Variants in C17orf78 observed in about 807,000 individuals in gnomAD.
C17orf78 encodes the protein chromosome 17 open reading frame 78.
C17orf78 carries 27 observed loss-of-function variants against 31.8 expected under a neutral mutation model. The ratio of observed to expected loss-of-function variants is 0.85; its 90% CI spans 0.63 to 1.17. The LOEUF is 1.17. Among genes scored for constraint, C17orf78 ranks in the 50% most tolerant of loss-of-function variants. The pLI, the probability that C17orf78 is intolerant of heterozygous loss-of-function variation, is 0.00. For synonymous variants in C17orf78, 106 were observed against 115.1 expected (o/e 0.92, Z 0.51); for missense variants, 258 against 315.2 (o/e 0.82, Z 1.37).
rs749430438 is a variant in C17orf78 at position 37,379,274 on chromosome 17, A to G, written c.283A>G (p.Lys95Glu). ...ERRPKVKHIL[K>E]NLRIIAAPRR... ...AAGGCCAAAGGTCAAGCATATTTTG[A>G]AGAACCTGAGAATCATTGCTGCTCC... The change falls in exon 3 of 7, where the codon AAG (lysine) becomes GAG (glutamate). Residue 95 changes from lysine (K) to glutamate (E), a missense_variant. By Grantham distance (56) the Lys-to-Glu change is moderately conservative. Transcript: ENST00000615133. The G allele has an allele frequency of 1.9e-6, 3 of 1,614,006 alleles. No homozygotes were observed. Among genetic ancestry groups the G allele is most frequent in the Non-Finnish European group, 8.5e-7 (1 of 1,179,900 alleles).
chr17:37,377,967 T>C lies in C17orf78; in HGVS notation c.145+2T>C. The C allele has an allele frequency of 1.2e-6, 2 of 1,613,022 alleles. No individual in the cohort carries two copies. Among genetic ancestry groups the C allele is most frequent in the South Asian group, 1.1e-5 (1 of 91,022 alleles). On this transcript the variant is annotated splice_donor_variant, in intron 2 of 6. Transcript: ENST00000615133. LOFTEE classifies it high-confidence loss of function. The stretch of plus-strand genomic sequence containing the variant: ...GCATCAGAGAATTGCAAATGCAAGG[T>C]AGGGAATGGGTCCTTTCTGGAAAAT...
At chr17:37,377,763 A>T in intron 1 of C17orf78, 116 bp from the exon 2 acceptor site, 1 of 659,500 alleles carries the variant, frequency 1.5e-6, no homozygotes, top group Non-Finnish European at 2.5e-6. Flanking sequence ...ATGAGCAGGA[A>T]CTGCAATCTT....
chr17:37,379,028 C>G, intron 2 of C17orf78, 109 bp from the exon 3 acceptor site: 2 of 1,312,792 alleles, frequency 1.5e-6, no homozygotes, highest in Non-Finnish European at 2.0e-6. Flanking sequence ...GCCATGATTG[C>G]GACACTGCAC....
At chr17:37,382,343 CT>C (rs956682522) in intron 3 of C17orf78, among the ~76,000 whole-genome samples, 34 of 151,576 alleles carry the variant, frequency 2.2e-4, no homozygotes, top group Non-Finnish European at 8.8e-5. Flanking sequence ...CTCACCCTTT[CT>C]TTTTTTCATA....
chr17:37,382,192 T>C (rs927855063), intron 3 of C17orf78, among the ~76,000 whole-genome samples: 3 of 152,138 alleles, frequency 2.0e-5, no homozygotes, highest in African/African-American at 7.2e-5. Context: ...GGCTGATAGT[T>C]ACTGCTAAAT....
intron 4 of C17orf78, 103 bp from the exon 5 acceptor site, chr17:37,388,567 C>G (rs2050652166): frequency 7.3e-7 from 1 of 1,369,702 alleles, no homozygotes; most frequent in Admixed American, 2.1e-5. Flanking sequence ...TAGTCTGGGC[C>G]TCTAATAGTC....
At position 37,390,312 on chromosome 17, in the gene C17orf78, AT is replaced by A. The variant is rs1568096145; in HGVS notation, c.750+951del. Among the ~76,000 whole-genome samples, 4 of 42,908 alleles carry A rather than the reference AT, an allele frequency of 9.3e-5. 1 individual carries two copies. The highest frequency in any genetic ancestry group is 1.5e-4 in the African/African-American group (1 of 6,764). 28.1% of individuals were successfully genotyped at this position (42,908 alleles called of 152,430 possible). ...TTATATATTATACATAATTATATAT[AT>A]ATATATATATATATATATATAAAAG... On this transcript the variant is annotated intron_variant, in intron 6 of 6. Coordinates refer to ENST00000615133, the MANE Select transcript of C17orf78 (RefSeq NM_173625.5).
At chr17:37,391,531 A>G in intron 6 of C17orf78, 116 bp from the exon 7 acceptor site, 1 of 879,604 alleles carries the variant, frequency 1.1e-6, no homozygotes, top group Non-Finnish European at 1.9e-6. Context: ...AAGAGGCAAA[A>G]TGAAGTGCAC....
chr17:37,386,304 T>A (rs1597773317), intron 4 of C17orf78, among the ~76,000 whole-genome samples, 179 bp downstream of exon 4: 1 of 152,054 alleles, frequency 6.6e-6, no homozygotes, highest in African/African-American at 2.4e-5. Context: ...AAAATTAGCT[T>A]CTCTAGGCCG....
At chr17:37,384,607 G>T (rs1303020888) in intron 3 of C17orf78, among the ~76,000 whole-genome samples, 2 of 151,430 alleles carry the variant, frequency 1.3e-5, no homozygotes, top group Admixed American at 1.3e-4. Context: ...TCCAAAGTGA[G>T]ATTTGTTTAT....
intron 3 of C17orf78, 61 bp from the exon 4 acceptor site, chr17:37,385,948 A>G: frequency 1.7e-6 from 2 of 1,177,096 alleles, no homozygotes; most frequent in Non-Finnish European, 2.4e-6. Flanking sequence ...TTCATCAGAT[A>G]AAACCAAAGG....
chr17:37,376,002 G>A lies in C17orf78; in HGVS notation c.-91G>A. 1 of 1,111,624 alleles carries A rather than the reference G, an allele frequency of 9.0e-7. No individual in the cohort carries two copies. Among genetic ancestry groups the A allele is most frequent in the African/African-American group, 1.5e-5 (1 of 65,278 alleles). 68.9% of individuals were successfully genotyped at this position (1,111,624 alleles called of 1,614,324 possible). On this transcript the variant is annotated 5_prime_UTR_variant, in exon 1 of 7. Coordinates refer to ENST00000615133, the MANE Select transcript of C17orf78 (RefSeq NM_173625.5). ...CTCAGGGTCAAACTTGGTTCCAGCT[G>A]CGTGTGGTGAAAGCAACTAGAGGCA...
intron 1 of C17orf78, 27 bp from the exon 2 acceptor site, chr17:37,377,852 C>A: frequency 6.3e-7 from 1 of 1,587,238 alleles, no homozygotes; most frequent in East Asian, 2.2e-5. Context: ...TCCCCGGTTC[C>A]CCTCCTCCCC....
Position 37,379,246 on chromosome 17 carries a change from G to A in C17orf78, c.255G>A (p.Glu85=). 1.2e-6 allele frequency: 2 copies of A among 1,614,028 alleles called. No homozygotes were observed. The highest frequency in any genetic ancestry group is 2.2e-5 in the South Asian group (2 of 91,082). Residue 85 remains glutamate (E), a synonymous_variant, in exon 3 of 7, where the codon GAG becomes GAA. Transcript: ENST00000615133. The part of the protein sequence containing the change: ...SKVKVNLVYL[E]RRPKVKHILK... Reference sequence around the variant, plus strand: ...TAAAAGTCAACCTTGTATATTTGGAGAGAAGGCCAAAGGTCAAGCATATTT... The same window carrying A: ...TAAAAGTCAACCTTGTATATTTGGAAAGAAGGCCAAAGGTCAAGCATATTT...
In C17orf78 at chr17:37,392,061, CAG is replaced by C; in HGVS notation, c.*338_*339del. 1 of 254,072 alleles carries C rather than the reference CAG, an allele frequency of 3.9e-6. No individual in the cohort carries two copies. The highest frequency in any genetic ancestry group is 4.8e-5 in the Admixed American group (1 of 20,776). 15.7% of individuals were successfully genotyped at this position (254,072 alleles called of 1,614,324 possible). ...CAAACACAGCCTCTAAGAAACAAGG[CAG>C]CTGTTAGTGTGACATAGCTTCCAGC... On this transcript the variant is annotated 3_prime_UTR_variant, in exon 7 of 7. Coordinates refer to ENST00000615133, the MANE Select transcript of C17orf78 (RefSeq NM_173625.5).
At chr17:37,383,657 C>T (rs1311513922) in intron 3 of C17orf78, among the ~76,000 whole-genome samples, 4 of 152,220 alleles carry the variant, frequency 2.6e-5, no homozygotes, top group African/African-American at 4.8e-5. Flanking sequence ...AAGCAATTCT[C>T]GTGCTTCAGC....
Position 37,379,501 on chromosome 17 carries a change from GTTGT to G in C17orf78, c.391+126_391+129del, listed in dbSNP as rs1262252663. The G allele has an allele frequency of 2.2e-5, 29 of 1,312,190 alleles. No homozygotes were observed. In the East Asian group the frequency reaches 3.8e-4, roughly 17 times the overall value. 81.3% of individuals were successfully genotyped at this position (1,312,190 alleles called of 1,614,324 possible). ...AATGAATTATCCACTTTTTGATGGG[GTTGT>G]TTGTTTTTTTTCTTGTAAATTTGTT... On this transcript the variant is annotated intron_variant, in intron 3 of 6. Transcript: ENST00000615133.
At chr17:37,384,332 A>G (rs2050434299) in intron 3 of C17orf78, among the ~76,000 whole-genome samples, 1 of 152,278 alleles carries the variant, frequency 6.6e-6, no homozygotes, top group Non-Finnish European at 1.5e-5. Context: ...GTTATTATTT[A>G]AGAAATTTGG....
intron 6 of C17orf78, among the ~76,000 whole-genome samples, chr17:37,390,304 T>TTTTATATATATATATATA (rs1201500381): frequency 1.1e-4 from 2 of 17,988 alleles, no homozygotes; most frequent in African/African-American, 7.6e-4. Context: ...TTATACATAA[T>TTTTATATATATATATATA]TATATATATA....
Sources: allele counts gnomAD v4.1 joint callset (sites outside exome capture counted in the v4.1 genomes callset), GRCh38; gene constraint gnomAD v4.1.1; transcripts MANE v1.5; gene names NCBI Gene and HGNC (gene_info 2026-07-23, HGNC 2026-07-21).